The following TNRC6A variants were observed in gnomAD, a reference collection of about 807,000 sequenced individuals.
TNRC6A encodes trinucleotide repeat-containing gene 6A protein.
TNRC6A carries 44 observed loss-of-function variants against 221.2 expected under a neutral mutation model. That is an observed-to-expected ratio of 0.20 (90% CI 0.16 to 0.26). The LOEUF (loss-of-function observed/expected upper bound fraction) is 0.26, where lower values mean the gene tolerates loss of function less well. TNRC6A is among the 10% of genes least tolerant of loss of function. The pLI, the probability that TNRC6A is intolerant of heterozygous loss-of-function variation, is 1.00. For missense variants in TNRC6A, 2,199 were observed against 2,404.4 expected (o/e 0.91, Z 1.79); for synonymous variants, 847 against 838.5 (o/e 1.01, Z -0.18).
chr16:24,662,137 T>C (rs1050338063), intron 2 of TNRC6A: 4 of 152,028 alleles, frequency 2.6e-5, no homozygotes, highest in African/African-American at 9.7e-5. Context: ...AAAAATTCCA[T>C]GTATAGAAAT....
rs1334575706 is a variant in TNRC6A at position 24,804,164 on chromosome 16, C to T, written c.3695-13C>T. The T allele has an allele frequency of 5.0e-6, 8 of 1,588,110 alleles. No homozygotes were observed. In the Admixed American group the frequency reaches 5.8e-5, roughly 11 times the overall value. On this transcript the variant is annotated splice_polypyrimidine_tract_variant and intron_variant, in intron 11 of 24. Transcript: ENST00000395799. ...TGTCTTCCTGTTTGATAACAGTCTCCTGCCTTTATTAGGAATGTTACAAGA... is the reference window on the plus strand; with the variant it reads ...TGTCTTCCTGTTTGATAACAGTCTCTTGCCTTTATTAGGAATGTTACAAGA...
At chr16:24,798,049 GTAGA>G in intron 11 of TNRC6A, 83 bp downstream of exon 11, 1 of 1,250,826 alleles carries the variant, frequency 8.0e-7, no homozygotes, top group Non-Finnish European at 1.1e-6. Context: ...GAGCCCTGAC[GTAGA>G]TCAGGACAGG....
At chr16:24,716,608 G>A (rs999169587) in intron 2 of TNRC6A, among the ~76,000 whole-genome samples, 1 of 152,004 alleles carries the variant, frequency 6.6e-6, no homozygotes, top group Non-Finnish European at 1.5e-5. Flanking sequence ...GGTAGTCAAG[G>A]CTACCATGTT....
chr16:24,761,324 A>G (rs1351757431), intron 4 of TNRC6A, among the ~76,000 whole-genome samples: 1 of 152,242 alleles, frequency 6.6e-6, no homozygotes, highest in Non-Finnish European at 1.5e-5. Flanking sequence ...TATTTAAAAA[A>G]TCTTTTAAAA....
At chr16:24,785,318 A>G (rs561178190) in intron 5 of TNRC6A, among the ~76,000 whole-genome samples, 2 of 152,258 alleles carry the variant, frequency 1.3e-5, no homozygotes, top group East Asian at 1.9e-4. Context: ...ACAATTTCTT[A>G]TAACTGAATT....
chr16:24,653,276 C>T (rs1019968196), intron 2 of TNRC6A, among the ~76,000 whole-genome samples: 4 of 152,092 alleles, frequency 2.6e-5, no homozygotes, highest in African/African-American at 9.7e-5. Context: ...ATGATGAGAC[C>T]TGAGATGACA....
rs2058090320 is a variant in TNRC6A, at chr16:24,791,079, A to C, written c.2437A>C (p.Met813Leu). The C allele has an allele frequency of 2.5e-6, 4 of 1,609,092 alleles. No homozygotes were observed. In the South Asian group the frequency reaches 4.4e-5, roughly 18 times the overall value. Residue 813 changes from methionine to leucine, a missense_variant, in exon 6 of 25, where the codon ATG becomes CTG. Met to Leu is a conservative substitution (Grantham distance 15, BLOSUM62 2). Transcript: ENST00000395799. Reference sequence around the variant, plus strand: ...GGAAGATGATTCTGCTGCTACAGGAATGGTCAAGAGCAATCAGTGGGGGAA... The same window carrying C: ...GGAAGATGATTCTGCTGCTACAGGACTGGTCAAGAGCAATCAGTGGGGGAA... ...GWEDDSAATGMVKSNQWGNCK... is the reference protein window; with the variant it reads ...GWEDDSAATGLVKSNQWGNCK...
intron 4 of TNRC6A, among the ~76,000 whole-genome samples, chr16:24,771,351 A>G (rs980448574): frequency 6.6e-6 from 1 of 152,154 alleles, no homozygotes; most frequent in Non-Finnish European, 1.5e-5. Flanking sequence ...TGCCTTGCCC[A>G]TGGTCATATA....
chr16:24,803,016 C>T (rs9652581), intron 11 of TNRC6A, among the ~76,000 whole-genome samples: 36,908 of 152,090 alleles, frequency 0.24, 4,973 homozygotes, highest in Non-Finnish European at 0.31. Context: ...GAGGAGCAGA[C>T]AGAGCAAAGC....
Position 24,820,248 on chromosome 16 carries a change from G to A in TNRC6A, c.5190G>A (p.Pro1730=), listed in dbSNP as rs552703108. The change falls in exon 22 of 25, where the codon CCG becomes CCA. Residue 1730 remains proline (P), a synonymous_variant. Coordinates refer to ENST00000395799, the MANE Select transcript of TNRC6A (RefSeq NM_014494.4). ...VPLPPKNITA[P]SRPPPGLTGQ... is the part of the protein sequence containing the mutation. The stretch of plus-strand genomic sequence containing the variant: ...TGCCACCTAAAAACATCACTGCTCC[G>A]TCCCGCCCACCTCCGGGACTGACTG... 1.5e-5 allele frequency: 25 copies of A among 1,614,030 alleles called. No homozygotes were observed. Among genetic ancestry groups the A allele is most frequent in the East Asian group, 1.3e-4 (6 of 44,878 alleles).
At chr16:24,765,669 T>G (rs1389933696) in intron 4 of TNRC6A, among the ~76,000 whole-genome samples, 1 of 152,170 alleles carries the variant, frequency 6.6e-6, no homozygotes, top group Non-Finnish European at 1.5e-5. Context: ...TTTCTTCCTG[T>G]GGAAGATGTC....
chr16:24,726,524 T>C (rs777029609), upstream of TNRC6A, among the ~76,000 whole-genome samples: 1 of 152,044 alleles, frequency 6.6e-6, no homozygotes, highest in Non-Finnish European at 1.5e-5. Flanking sequence ...TTCCATTGAG[T>C]TTGGCACCCT....
intron 2 of TNRC6A, among the ~76,000 whole-genome samples, chr16:24,701,704 A>G (rs1275006290): frequency 1.3e-5 from 2 of 152,090 alleles, no homozygotes; most frequent in Admixed American, 6.6e-5. Context: ...TCCGAAACCC[A>G]TGGCCCTGCT....
chr16:24,704,246 A>T (rs547688262), intron 2 of TNRC6A, among the ~76,000 whole-genome samples: 7 of 152,090 alleles, frequency 4.6e-5, no homozygotes, highest in African/African-American at 1.7e-4. Context: ...GGTGTGCACC[A>T]CTGCACCTGG....
chr16:24,655,791 A>C (rs966464493), intron 2 of TNRC6A, among the ~76,000 whole-genome samples: 1 of 152,198 alleles, frequency 6.6e-6, no homozygotes, highest in Non-Finnish European at 1.5e-5. Context: ...AACAAAATAC[A>C]AAAGAAACAG....
At chr16:24,637,374 G>A (rs541020906) in intron 1 of TNRC6A, among the ~76,000 whole-genome samples, 9 of 152,250 alleles carry the variant, frequency 5.9e-5, no homozygotes, top group Non-Finnish European at 1.0e-4. Context: ...GCAGCCTGGC[G>A]TTCCCTCCAC....
chr16:24,794,741 C>G (rs1294972270), intron 8 of TNRC6A, 22 bp downstream of exon 8: 1 of 1,573,998 alleles, frequency 6.4e-7, no homozygotes, highest in Non-Finnish European at 8.6e-7. Context: ...AAGGGCAAAG[C>G]CCTTGAAACT....
At chr16:24,671,467 G>A (rs1205554740) in intron 2 of TNRC6A, among the ~76,000 whole-genome samples, 6 of 152,170 alleles carry the variant, frequency 3.9e-5, no homozygotes, top group Non-Finnish European at 5.9e-5. Context: ...GAATGATGGT[G>A]ATGGCAATGG....
At chr16:24,789,150 AT>A (rs1191183015) in intron 5 of TNRC6A, 81 bp from the exon 6 acceptor site, 1 of 1,339,986 alleles carries the variant, frequency 7.5e-7, no homozygotes, top group Non-Finnish European at 1.0e-6. Context: ...TTTATAACAT[AT>A]TCGTCATTTT....
Sources: gnomAD v4.1 joint callset for allele counts (sites outside exome capture counted in the v4.1 genomes callset) on GRCh38, gnomAD v4.1.1 for gene constraint, MANE v1.5 for transcripts, NCBI Gene and HGNC (gene_info 2026-07-23, HGNC 2026-07-21) for gene names.